L3MBTL4: variants seen among roughly 807,000 people sequenced by gnomAD.
L3MBTL4 encodes the protein lethal(3)malignant brain tumor-like protein 4.
In L3MBTL4, 70 loss-of-function variants were observed where a neutral mutation model predicts 84.5. That is an observed-to-expected ratio of 0.83 (90% confidence interval 0.68 to 1.01). The LOEUF (loss-of-function observed/expected upper bound fraction) is 1.01, where lower values mean the gene tolerates loss of function less well. Ranked by LOEUF, L3MBTL4 falls within the 50% of genes least tolerant of loss-of-function variation. The pLI is 0.00. For synonymous variants in L3MBTL4, 274 were observed against 259.8 expected, an observed-to-expected ratio of 1.05 and a Z score of -0.52; for missense variants, 715 against 754.8, an observed-to-expected ratio of 0.95 and a Z score of 0.62.
chr18:6,367,702 G>C (rs2144126631), intron 1 of L3MBTL4: 2 of 152,530 alleles, frequency 1.3e-5, no homozygotes, highest in South Asian at 4.1e-4. Context: ...AGCACTGTGA[G>C]GCCAAGGCTG....
intron 13 of L3MBTL4, among the ~76,000 whole-genome samples, chr18:6,139,495 G>T (rs2060130649): frequency 6.7e-6 from 1 of 149,790 alleles, no homozygotes; most frequent in African/African-American, 2.5e-5. Context: ...AAACACACAT[G>T]CACACACACA....
chr18:6,182,680 A>T (rs529223538), intron 12 of L3MBTL4, among the ~76,000 whole-genome samples: 7 of 152,284 alleles, frequency 4.6e-5, no homozygotes, highest in African/African-American at 1.7e-4. Context: ...TAGATTTCAC[A>T]TTTAAGTTTT....
chr18:6,163,179 A>T (rs2043425789), intron 13 of L3MBTL4, among the ~76,000 whole-genome samples: 1 of 149,648 alleles, frequency 6.7e-6, no homozygotes, highest in South Asian at 2.1e-4. Context: ...CAGTGGAAAA[A>T]GAATTCAGTG....
intron 13 of L3MBTL4, among the ~76,000 whole-genome samples, chr18:6,160,318 T>TCAGTGTTGCAAGTCAA (rs1217779781): frequency 6.6e-6 from 1 of 152,098 alleles, no homozygotes; most frequent in African/African-American, 2.4e-5. Context: ...GTGTTCGGAG[T>TCAGTGTTGCAAGTCAA]CAGTGTTGCA....
chr18:6,139,421 A>G (rs1444111158), intron 13 of L3MBTL4, among the ~76,000 whole-genome samples: 1 of 152,034 alleles, frequency 6.6e-6, no homozygotes, highest in Non-Finnish European at 1.5e-5. Context: ...CTACATCTCA[A>G]TATTATCAGT....
intron 14 of L3MBTL4, among the ~76,000 whole-genome samples, chr18:6,105,188 T>A (rs2058962567): frequency 7.5e-6 from 1 of 132,690 alleles, no homozygotes; most frequent in Non-Finnish European, 1.5e-5. Context: ...CACCAATTTT[T>A]TTTTTTTTTT....
intron 13 of L3MBTL4, among the ~76,000 whole-genome samples, chr18:6,160,487 T>A (rs1311542564): frequency 6.6e-6 from 1 of 152,082 alleles, no homozygotes; most frequent in African/African-American, 2.4e-5. Context: ...ATCCCAACAC[T>A]TTGGGAGGCC....
chr18:5,993,145 T>A (rs568700254), intron 16 of L3MBTL4, among the ~76,000 whole-genome samples: 83 of 152,318 alleles, frequency 5.4e-4, no homozygotes, highest in African/African-American at 1.9e-3. Flanking sequence ...CACACCAAAG[T>A]GAGCACAGGT....
intron 1 of L3MBTL4, among the ~76,000 whole-genome samples, chr18:6,341,276 T>TA (rs529314498): frequency 1.3e-4 from 20 of 151,728 alleles, no homozygotes; most frequent in Non-Finnish European, 2.8e-4. Flanking sequence ...AGACTGATCT[T>TA]AAAAAAAATG....
intron 14 of L3MBTL4, among the ~76,000 whole-genome samples, chr18:6,096,233 G>A (rs896591503): frequency 4.6e-5 from 7 of 152,092 alleles, no homozygotes; most frequent in African/African-American, 1.2e-4. Flanking sequence ...TGCTGATGTC[G>A]AGAGATGTTC....
chr18:6,369,163 C>CT (rs1332048411), intron 1 of L3MBTL4, among the ~76,000 whole-genome samples: 4 of 152,134 alleles, frequency 2.6e-5, no homozygotes, highest in African/African-American at 9.7e-5. Flanking sequence ...GGGGCTACAG[C>CT]TTGGGGCAGT....
chr18:6,046,014 A>G (rs145467285), intron 16 of L3MBTL4, among the ~76,000 whole-genome samples: 110 of 152,260 alleles, frequency 7.2e-4, no homozygotes, highest in African/African-American at 2.6e-3. Context: ...AATGACACCC[A>G]CAGAATCAAA....
chr18:6,371,665 A>G (rs2054166328), intron 1 of L3MBTL4, among the ~76,000 whole-genome samples: 1 of 152,224 alleles, frequency 6.6e-6, no homozygotes, highest in Non-Finnish European at 1.5e-5. Flanking sequence ...GTGCTTGGTA[A>G]TAACAAATAA....
rs533586507 is a variant in L3MBTL4, at chr18:6,247,197, A to G, written c.220-2609T>C. Among the ~76,000 whole-genome samples, 37 of 152,284 alleles carry G rather than the reference A, an allele frequency of 2.4e-4. 1 individual carries two copies. The South Asian group carries it at 7.5e-3, about 31-fold the overall frequency. On this transcript the variant is annotated intron_variant, in intron 5 of 18. Transcript: ENST00000317931. ...GAATAGAACATTCTCTTGCAAAACC[A>G]TAACTCAGTTATTAACTGTAAATTT... is the stretch of plus-strand genomic sequence containing the variant.
chr18:6,152,691 C>T (rs2042948735), intron 13 of L3MBTL4, among the ~76,000 whole-genome samples: 1 of 152,124 alleles, frequency 6.6e-6, no homozygotes, highest in South Asian at 2.1e-4. Flanking sequence ...TTCTCCCATT[C>T]CATAGGTTGT....
At chr18:6,008,340 G>A (rs1053872525) in intron 16 of L3MBTL4, among the ~76,000 whole-genome samples, 10 of 152,154 alleles carry the variant, frequency 6.6e-5, no homozygotes, top group Non-Finnish European at 1.2e-4. Flanking sequence ...AAGGAAGGTC[G>A]ATCTGTATCT....
intron 10 of L3MBTL4, among the ~76,000 whole-genome samples, chr18:6,221,820 G>A (rs1215599871): frequency 1.3e-5 from 2 of 152,166 alleles, no homozygotes; most frequent in East Asian, 3.9e-4. Context: ...ACAAGGCAGG[G>A]CAGTGAGTCA....
chr18:6,020,249 C>T (rs763700670), intron 16 of L3MBTL4, among the ~76,000 whole-genome samples: 60 of 151,896 alleles, frequency 4.0e-4, no homozygotes, highest in Non-Finnish European at 4.4e-4. Context: ...AGGGAAGAGA[C>T]GTCCAGGCTG....
At chr18:6,023,740 T>C (rs552120689) in intron 16 of L3MBTL4, among the ~76,000 whole-genome samples, 1 of 152,312 alleles carries the variant, frequency 6.6e-6, no homozygotes, top group Admixed American at 6.5e-5. Context: ...GGGCTGTACC[T>C]TTCACACCTC....
Sources: allele counts gnomAD v4.1 joint callset (sites outside exome capture counted in the v4.1 genomes callset), GRCh38; gene constraint gnomAD v4.1.1; transcripts MANE v1.5; gene names NCBI Gene and HGNC (gene_info 2026-07-23, HGNC 2026-07-21).